Variants in RASGRF1 observed in about 807,000 individuals in gnomAD.
RASGRF1 encodes ras-specific guanine nucleotide-releasing factor 1.
In RASGRF1, 40 loss-of-function variants were observed where a neutral mutation model predicts 138.7. The observed-to-expected ratio is 0.29, with a 90% CI of 0.22 to 0.38. RASGRF1 has a LOEUF of 0.38. RASGRF1 is among the 10% of genes least tolerant of loss of function. RASGRF1 has a pLI of 1.00. For missense variants in RASGRF1, 1,108 were observed against 1,650.4 expected (o/e 0.67, Z 5.69); for synonymous variants, 614 against 663.2 (o/e 0.93, Z 1.14).
At chr15:78,991,881 C>T (rs778765552) in intron 20 of RASGRF1, 87 bp from the exon 21 acceptor site, 9 of 1,072,188 alleles carry the variant, frequency 8.4e-6, no homozygotes, top group Admixed American at 5.6e-5. Context: ...GGGGGTATCT[C>T]GCCCTCGAAT....
chr15:79,016,025 C>G (rs1043301370), intron 12 of RASGRF1, among the ~76,000 whole-genome samples: 6 of 152,156 alleles, frequency 3.9e-5, no homozygotes, highest in South Asian at 2.1e-4. Context: ...TATTCAAAAT[C>G]CAAATTTTGC....
intron 22 of RASGRF1, among the ~76,000 whole-genome samples, chr15:78,988,408 T>C (rs1395642073): frequency 6.6e-6 from 1 of 152,204 alleles, no homozygotes; most frequent in African/African-American, 2.4e-5. Flanking sequence ...TGTCAGGTTA[T>C]GTTTCCCGAG....
chr15:79,026,893 G>A (rs1297292172), intron 9 of RASGRF1, among the ~76,000 whole-genome samples: 2 of 152,190 alleles, frequency 1.3e-5, no homozygotes, highest in Non-Finnish European at 2.9e-5. Context: ...CACAGGGTGG[G>A]CCTGGGGAAG....
intron 11 of RASGRF1, 149 bp downstream of exon 11, chr15:79,019,892 T>G (rs765052500): frequency 4.7e-5 from 40 of 847,038 alleles, no homozygotes; most frequent in Non-Finnish European, 6.9e-5. Flanking sequence ...GAACAGGGTG[T>G]GTGCATGAGG....
At chr15:79,020,163 T>A in intron 10 of RASGRF1, 59 bp from the exon 11 acceptor site, 1 of 1,528,128 alleles carries the variant, frequency 6.5e-7, no homozygotes, top group Non-Finnish European at 9.0e-7. Flanking sequence ...GGTTTAGGAG[T>A]CCCTGGATGA....
intron 1 of RASGRF1, among the ~76,000 whole-genome samples, chr15:79,072,518 G>A (rs1262010129): frequency 2.6e-5 from 4 of 151,066 alleles, no homozygotes; most frequent in East Asian, 1.9e-4. Context: ...CTCGTGATCC[G>A]CCCGCCTCGG....
chr15:79,074,518 C>G (rs1020940342), intron 1 of RASGRF1, among the ~76,000 whole-genome samples: 3 of 152,242 alleles, frequency 2.0e-5, no homozygotes, highest in African/African-American at 7.2e-5. Flanking sequence ...TGGAGCTTCA[C>G]CTGGGCGGGA....
chr15:79,017,997 T>A, intron 11 of RASGRF1, 91 bp from the exon 12 acceptor site: 9 of 1,487,804 alleles, frequency 6.0e-6, no homozygotes, highest in Non-Finnish European at 7.3e-6. Context: ...TACGTACCAG[T>A]GGAGGCTCTG....
At chr15:79,024,130 T>C (rs911403144) in intron 10 of RASGRF1, among the ~76,000 whole-genome samples, 18 of 141,660 alleles carry the variant, frequency 1.3e-4, no homozygotes, top group African/African-American at 4.6e-4. Flanking sequence ...CACAAAAACA[T>C]ACACCACACA....
chr15:78,990,043 C>T lies in RASGRF1; in HGVS notation c.3216+146G>A, dbSNP rs185790477. 339 of 711,412 alleles carry T rather than the reference C, an allele frequency of 4.8e-4. 2 individuals are homozygous for T. The Middle Eastern group carries it at 0.01, about 21-fold the overall frequency. 44.1% of individuals were successfully genotyped at this position (711,412 alleles called of 1,614,324 possible). On this transcript the variant is annotated intron_variant, in intron 22 of 26. Coordinates refer to ENST00000558480, the MANE Select transcript of RASGRF1 (RefSeq NM_001145648.3). ...TGAGACTGAGGTGAGGCAACCAGCCCGAGGCCACATGGCAAGGGGTGGCAG... is the reference window on the plus strand; with the variant it reads ...TGAGACTGAGGTGAGGCAACCAGCCTGAGGCCACATGGCAAGGGGTGGCAG...
intron 1 of RASGRF1, among the ~76,000 whole-genome samples, chr15:79,086,648 G>A (rs1595982419): frequency 6.6e-6 from 1 of 152,152 alleles, no homozygotes; most frequent in East Asian, 1.9e-4. Flanking sequence ...ATTTGTCTGA[G>A]TCTCTTCTGT....
At chr15:79,005,603 C>G (rs1391288745) in intron 14 of RASGRF1, 1 of 986,296 alleles carries the variant, frequency 1.0e-6, no homozygotes, top group African/African-American at 1.7e-5. Flanking sequence ...TTTTGAGAAG[C>G]AAAGGCTAAG....
chr15:78,964,091 T>C (rs1479478782), intron 26 of RASGRF1, among the ~76,000 whole-genome samples: 4 of 152,046 alleles, frequency 2.6e-5, no homozygotes, highest in Admixed American at 6.6e-5. Flanking sequence ...TCCTAAGACA[T>C]TGTACTTTCG....
At position 79,006,069 on chromosome 15, in the gene RASGRF1, C is replaced by T. The variant is rs943528859; in HGVS notation, c.2075+117G>A. The T allele has an allele frequency of 1.3e-5, 19 of 1,432,272 alleles. No homozygotes were observed. The highest frequency in any genetic ancestry group is 9.2e-5 in the East Asian group (4 of 43,674). The allele number at this position is 1,432,272 out of a possible 1,614,324, so 88.7% of individuals were successfully genotyped here. A position where few individuals can be genotyped will look rare whatever the true frequency, so the allele number is the denominator to read the frequency against. ...GTGTGTGTCCCGCAGCACCCCAACA[C>T]GTTACTGCTGCTCCTCCAGGGACCT... On this transcript the variant is annotated intron_variant, in intron 14 of 26. Coordinates refer to ENST00000558480, the MANE Select transcript of RASGRF1 (RefSeq NM_001145648.3). This position sits in a 1 kb window ranked among gnomAD's most constrained non-coding sequence, Gnocchi z 4.0.
chr15:79,049,367 G>T, intron 4 of RASGRF1, 129 bp downstream of exon 4: 1 of 813,380 alleles, frequency 1.2e-6, no homozygotes, highest in Non-Finnish European at 2.0e-6. Context: ...CTCTGTCTTT[G>T]GAGCTGAGGT....
At chr15:79,043,164 T>C (rs938702331) in intron 5 of RASGRF1, among the ~76,000 whole-genome samples, 1 of 152,182 alleles carries the variant, frequency 6.6e-6, no homozygotes. Flanking sequence ...GTAAATTACA[T>C]TGACTGATTT....
chr15:79,048,262 G>A (rs917002761), intron 4 of RASGRF1, among the ~76,000 whole-genome samples: 4 of 152,154 alleles, frequency 2.6e-5, no homozygotes, highest in Non-Finnish European at 5.9e-5. Context: ...CTAGCTGGGG[G>A]TGGGGGATGT....
chr15:79,009,430 A>AC (rs2056748929), intron 13 of RASGRF1, among the ~76,000 whole-genome samples: 6 of 152,188 alleles, frequency 3.9e-5, no homozygotes, highest in Non-Finnish European at 8.8e-5. Flanking sequence ...TGTCTCTCAA[A>AC]TGAAGCCAAG....
chr15:79,090,298 C>G lies in RASGRF1; in HGVS notation c.201G>C (p.Leu67=), dbSNP rs1482294944. 1 of 1,613,458 alleles carries G rather than the reference C, an allele frequency of 6.2e-7. No homozygotes were observed. Among genetic ancestry groups the G allele is most frequent in the Non-Finnish European group, 8.5e-7 (1 of 1,179,914 alleles). Residue 67 remains leucine (L), a synonymous_variant, in exon 1 of 27, where the codon CTG becomes CTC. Coordinates refer to ENST00000558480, the MANE Select transcript of RASGRF1 (RefSeq NM_001145648.3). ...DSSSRPSGLY[L]LEGCVCDRAP... is the part of the protein sequence containing the mutation. ...CGCGGTCGCAGACGCAGCCCTCCAG[C>G]AGGTAAAGCCCCGAGGGCCGCGAGC...
Sources: gnomAD v4.1 joint callset for allele counts (sites outside exome capture counted in the v4.1 genomes callset) on GRCh38, gnomAD v4.1.1 for gene constraint, Gnocchi (gnomAD v3.1) non-coding constraint, MANE v1.5 for transcripts, NCBI Gene and HGNC (gene_info 2026-07-23, HGNC 2026-07-21) for gene names.